Variants in CDH18 observed in about 807,000 individuals in gnomAD.
CDH18 encodes the protein cadherin-18.
CDH18 carries 31 observed loss-of-function variants against 67.9 expected under a neutral mutation model. The ratio of observed to expected loss-of-function variants is 0.46; its 90% CI spans 0.34 to 0.62. CDH18 has a LOEUF of 0.62. Among genes scored for constraint, CDH18 ranks in the 20% least tolerant of loss-of-function variants. The pLI is 0.01. For missense variants in CDH18, 890 were observed against 975.5 expected, an observed-to-expected ratio of 0.91 and a Z score of 1.17; for synonymous variants, 362 against 347.2, an observed-to-expected ratio of 1.04 and a Z score of -0.48.
intron 1 of CDH18, among the ~76,000 whole-genome samples, chr5:20,291,091 A>G (rs1747070662): frequency 6.6e-6 from 1 of 152,188 alleles, no homozygotes; most frequent in Non-Finnish European, 1.5e-5. Context: ...ATATTTATTC[A>G]TGTCATGAAT....
chr5:20,258,179 T>C (rs1378406047), intron 1 of CDH18, among the ~76,000 whole-genome samples: 1 of 152,112 alleles, frequency 6.6e-6, no homozygotes, highest in Non-Finnish European at 1.5e-5. Context: ...AAGTTTCTAA[T>C]TGCATTTTTA....
intron 1 of CDH18, among the ~76,000 whole-genome samples, chr5:20,359,815 A>G (rs989026598): frequency 1.3e-5 from 2 of 152,066 alleles, no homozygotes; most frequent in East Asian, 1.9e-4. Flanking sequence ...TTATTTGTCA[A>G]TAGTCATCTG....
At chr5:19,910,147 C>T (rs927923693) in intron 2 of CDH18, among the ~76,000 whole-genome samples, 3 of 151,978 alleles carry the variant, frequency 2.0e-5, no homozygotes, top group Non-Finnish European at 4.4e-5. Flanking sequence ...GTGGCCAAAA[C>T]GGGAAGTGAT....
At chr5:20,400,446 C>A (rs887992410) in intron 1 of CDH18, among the ~76,000 whole-genome samples, 1 of 151,654 alleles carries the variant, frequency 6.6e-6, no homozygotes, top group South Asian at 2.1e-4. Context: ...CCACTGCACC[C>A]CAGGCTGGGC....
chr5:20,459,628 T>C (rs1179327915), intron 1 of CDH18, among the ~76,000 whole-genome samples: 1 of 152,166 alleles, frequency 6.6e-6, no homozygotes, highest in Non-Finnish European at 1.5e-5. Context: ...AACATAATTA[T>C]ATGGATGGGC....
intron 1 of CDH18, among the ~76,000 whole-genome samples, chr5:20,313,480 A>T (rs1191776914): frequency 6.6e-6 from 1 of 152,114 alleles, no homozygotes; most frequent in Non-Finnish European, 1.5e-5. Flanking sequence ...GTAAAACTGT[A>T]TTAAAAATAC....
At chr5:19,995,270 T>C (rs1735915227) in intron 2 of CDH18, among the ~76,000 whole-genome samples, 1 of 152,106 alleles carries the variant, frequency 6.6e-6, no homozygotes, top group Non-Finnish European at 1.5e-5. Flanking sequence ...CGCCTATTTC[T>C]AGGTTTCCTA....
intron 8 of CDH18, among the ~76,000 whole-genome samples, chr5:19,548,104 T>C (rs1024745262): frequency 6.6e-6 from 1 of 152,092 alleles, no homozygotes; most frequent in Admixed American, 6.5e-5. Context: ...ATTTTTATAA[T>C]AAAATCTGTT....
intron 2 of CDH18, among the ~76,000 whole-genome samples, chr5:20,159,260 G>A (rs1342547745): frequency 6.6e-6 from 1 of 152,138 alleles, no homozygotes; most frequent in Non-Finnish European, 1.5e-5. Context: ...GACTAAGTCG[G>A]GAGTTTGGAG....
intron 9 of CDH18, among the ~76,000 whole-genome samples, chr5:19,527,832 CTCTT>C (rs1203148404): frequency 6.6e-6 from 1 of 151,748 alleles, no homozygotes; most frequent in Non-Finnish European, 1.5e-5. Context: ...TGAATCTTGA[CTCTT>C]TTCAGTACAT....
At chr5:20,224,095 T>C (rs2126464677) in intron 2 of CDH18, among the ~76,000 whole-genome samples, 1 of 152,312 alleles carries the variant, frequency 6.6e-6, no homozygotes, top group African/African-American at 2.4e-5. Context: ...GAAGCTTCAC[T>C]GTCACAGAAG....
intron 1 of CDH18, among the ~76,000 whole-genome samples, chr5:20,406,015 G>A (rs1455538246): frequency 6.6e-6 from 1 of 152,190 alleles, no homozygotes; most frequent in Non-Finnish European, 1.5e-5. Flanking sequence ...CATTGTGGAA[G>A]TCAGTGTGGC....
chr5:20,328,939 T>G (rs1738891208), intron 1 of CDH18, among the ~76,000 whole-genome samples: 1 of 135,224 alleles, frequency 7.4e-6, no homozygotes, highest in Non-Finnish European at 1.7e-5. Context: ...ATTGCACCAT[T>G]GCACTTCAGC....
chr5:20,344,411 A>G (rs972351900), intron 1 of CDH18, among the ~76,000 whole-genome samples: 4 of 152,058 alleles, frequency 2.6e-5, no homozygotes, highest in African/African-American at 9.7e-5. Flanking sequence ...ATGTCTTGGT[A>G]TGGGTAGATA....
At chr5:20,435,755 G>C (rs1235925293) in intron 1 of CDH18, among the ~76,000 whole-genome samples, 1 of 151,964 alleles carries the variant, frequency 6.6e-6, no homozygotes, top group Non-Finnish European at 1.5e-5. Context: ...AGAAAAATAA[G>C]TAAGACACTT....
At chr5:19,851,808 T>G (rs62352165) in intron 2 of CDH18, among the ~76,000 whole-genome samples, 46,850 of 151,738 alleles carry the variant, frequency 0.31, 8,230 homozygotes, top group South Asian at 0.39. Context: ...TAGTGTCAAG[T>G]AGACAATAAT....
intron 7 of CDH18, among the ~76,000 whole-genome samples, chr5:19,583,955 G>A (rs1397802848): frequency 2.6e-5 from 4 of 152,096 alleles, no homozygotes; most frequent in African/African-American, 9.7e-5. Context: ...TTAGTTAGAA[G>A]GGAATGACAA....
intron 2 of CDH18, among the ~76,000 whole-genome samples, chr5:20,248,755 T>C (rs1387672069): frequency 1.3e-5 from 2 of 152,198 alleles, no homozygotes; most frequent in Non-Finnish European, 2.9e-5. Context: ...TAAGCGAACG[T>C]TGAACTTAAT....
At chr5:20,356,454 G>A (rs987261036) in intron 1 of CDH18, among the ~76,000 whole-genome samples, 1 of 151,978 alleles carries the variant, frequency 6.6e-6, no homozygotes, top group South Asian at 2.1e-4. Flanking sequence ...GCACATGGAA[G>A]AAAAAATGGC....
Sources: allele counts gnomAD v4.1 joint callset (sites outside exome capture counted in the v4.1 genomes callset), GRCh38; gene constraint gnomAD v4.1.1; transcripts MANE v1.5; gene names NCBI Gene and HGNC (gene_info 2026-07-23, HGNC 2026-07-21).